The following AP3B1 variants were observed in gnomAD, a reference collection of about 807,000 sequenced individuals.
AP3B1 encodes adaptor related protein complex 3 subunit beta 1.
AP3B1 carries 61 observed loss-of-function variants against 132.5 expected under a neutral mutation model. That is an observed-to-expected ratio of 0.46 (90% CI 0.37 to 0.57). The LOEUF (loss-of-function observed/expected upper bound fraction) is 0.57, where lower values mean the gene tolerates loss of function less well. Ranked by LOEUF, AP3B1 falls within the 20% of genes least tolerant of loss-of-function variation. The pLI, the probability that AP3B1 is intolerant of heterozygous loss-of-function variation, is 0.00. For synonymous variants in AP3B1, 388 were observed against 438.3 expected (o/e 0.89, Z 1.43); for missense variants, 1,120 against 1,289.4 (o/e 0.87, Z 2.01).
chr5:78,184,212 A>G (rs1030025328), intron 7 of AP3B1, among the ~76,000 whole-genome samples: 1 of 151,936 alleles, frequency 6.6e-6, no homozygotes, highest in Non-Finnish European at 1.5e-5. Flanking sequence ...AATAGAAGAT[A>G]TAAAGACCAA....
chr5:78,239,888 CA>C (rs1473424414), intron 3 of AP3B1, among the ~76,000 whole-genome samples: 1 of 151,826 alleles, frequency 6.6e-6, no homozygotes, highest in Non-Finnish European at 1.5e-5. Flanking sequence ...AACATTAGCT[CA>C]AAAATGTTTT....
At chr5:78,277,656 TG>T (rs1358935645) in intron 1 of AP3B1, among the ~76,000 whole-genome samples, 3 of 152,020 alleles carry the variant, frequency 2.0e-5, no homozygotes, top group Non-Finnish European at 4.4e-5. Context: ...AGAAGATCTA[TG>T]AAGGGCCTCT....
intron 13 of AP3B1, among the ~76,000 whole-genome samples, chr5:78,156,837 T>C (rs1743170402): frequency 6.6e-6 from 1 of 151,784 alleles, no homozygotes; most frequent in African/African-American, 2.4e-5. Flanking sequence ...CCCAGAAAAG[T>C]GAGTAGTAAA....
At chr5:78,171,246 A>T (rs1180683727) in intron 11 of AP3B1, among the ~76,000 whole-genome samples, 1 of 152,180 alleles carries the variant, frequency 6.6e-6, no homozygotes, top group Admixed American at 6.5e-5. Flanking sequence ...TGAACTTTAA[A>T]GTAGTTTTTT....
At chr5:78,095,835 G>T (rs1409658468) in intron 21 of AP3B1, among the ~76,000 whole-genome samples, 1 of 152,106 alleles carries the variant, frequency 6.6e-6, no homozygotes, top group African/African-American at 2.4e-5. Flanking sequence ...TCTGACAAAA[G>T]CAGGACTATG....
intron 3 of AP3B1, among the ~76,000 whole-genome samples, chr5:78,239,017 T>C (rs1307258942): frequency 6.6e-6 from 1 of 151,210 alleles, no homozygotes; most frequent in Non-Finnish European, 1.5e-5. Context: ...GCAATACTAA[T>C]AACAAATCAA....
chr5:78,039,122 A>G lies in AP3B1; in HGVS notation c.2730T>C (p.Thr910=), dbSNP rs143527588. ...VSIQITLNNT[T]DRKIENIHIG... ...TGTGGATATTTTCTATCTTTCGATC[A>G]GTAGTGTTATTCAGTGTTATTTGTA... The change falls in exon 23 of 27, where the codon ACT becomes ACC. Residue 910 remains threonine, a synonymous_variant. Transcript: ENST00000255194. The G allele has an allele frequency of 4.6e-3, 7,406 of 1,613,746 alleles. 31 individuals carry two copies. Among genetic ancestry groups the G allele is most frequent in the Non-Finnish European group, 5.8e-3 (6,852 of 1,179,728 alleles).
intron 14 of AP3B1, among the ~76,000 whole-genome samples, chr5:78,142,303 T>A (rs535980100): frequency 6.6e-6 from 1 of 152,188 alleles, no homozygotes; most frequent in Non-Finnish European, 1.5e-5. Flanking sequence ...CTTATTTGCA[T>A]CCTCCCCTAT....
chr5:78,087,528 T>A lies in AP3B1; in HGVS notation c.2577+1865A>T, dbSNP rs1013895516. The stretch of plus-strand genomic sequence containing the variant: ...CATATTTTATTGTTGCTGGTGAACT[T>A]CTGGTTGTCATTCTTTTTAGCGCTA... On this transcript the variant is annotated intron_variant, in intron 22 of 26. Transcript: ENST00000255194. The A allele has an allele frequency of 1.4e-5, 14 of 985,028 alleles. No homozygotes were observed. In the African/African-American group the frequency reaches 2.4e-4, roughly 17 times the overall value. The allele number at this position is 985,028 out of a possible 1,614,324, so 61.0% of individuals were successfully genotyped here. A position where few individuals can be genotyped will look rare whatever the true frequency, so the allele number is the denominator to read the frequency against.
At chr5:78,086,748 A>G (rs1316118567) in intron 22 of AP3B1, among the ~76,000 whole-genome samples, 1 of 152,202 alleles carries the variant, frequency 6.6e-6, no homozygotes, top group African/African-American at 2.4e-5. Flanking sequence ...AGAAAATGAA[A>G]CTATTAACAT....
At chr5:78,023,385 T>A (rs1359850579) in intron 24 of AP3B1, among the ~76,000 whole-genome samples, 1 of 151,822 alleles carries the variant, frequency 6.6e-6, no homozygotes, top group African/African-American at 2.4e-5. Flanking sequence ...GAGACTATAG[T>A]GAACTATGAT....
intron 1 of AP3B1, among the ~76,000 whole-genome samples, chr5:78,293,323 C>A (rs957918190): frequency 6.6e-6 from 1 of 152,178 alleles, no homozygotes; most frequent in Non-Finnish European, 1.5e-5. Context: ...AAGCTCCGTA[C>A]TTGTTCTAGA....
chr5:78,100,266 T>A (rs1751074701), intron 21 of AP3B1, among the ~76,000 whole-genome samples: 1 of 152,056 alleles, frequency 6.6e-6, no homozygotes, highest in Non-Finnish European at 1.5e-5. Flanking sequence ...AAAAACTCTA[T>A]CAAAAATGAT....
At chr5:78,045,745 G>T (rs1273037987) in intron 22 of AP3B1, among the ~76,000 whole-genome samples, 1 of 152,124 alleles carries the variant, frequency 6.6e-6, no homozygotes, top group Non-Finnish European at 1.5e-5. Flanking sequence ...AGACAACAAT[G>T]ATTTTATTAG....
At chr5:78,145,423 C>T (rs1189719933) in intron 14 of AP3B1, among the ~76,000 whole-genome samples, 2 of 152,156 alleles carry the variant, frequency 1.3e-5, no homozygotes, top group South Asian at 2.1e-4. Context: ...AACTTGCCCA[C>T]ATCTCACAGC....
chr5:78,091,528 G>A lies in AP3B1; in HGVS notation c.2471-2029C>T, dbSNP rs146989689. On this transcript the variant is annotated intron_variant, in intron 21 of 26. Transcript: ENST00000255194. ...GGTACAGTTTAGCAAGTGTCACAGAGTCAGGGGCAAAACAAGGATCACTGG... is the reference window on the plus strand; with the variant it reads ...GGTACAGTTTAGCAAGTGTCACAGAATCAGGGGCAAAACAAGGATCACTGG... Among the ~76,000 whole-genome samples, 637 of 152,262 alleles carry A rather than the reference G, an allele frequency of 4.2e-3. 1 individual carries two copies. The highest frequency in any genetic ancestry group is 0.01 in the Middle Eastern group (3 of 294).
At chr5:78,097,544 T>C (rs1271982658) in intron 21 of AP3B1, among the ~76,000 whole-genome samples, 3 of 99,956 alleles carry the variant, frequency 3.0e-5, no homozygotes, top group Non-Finnish European at 6.0e-5. Flanking sequence ...AGCCGCCCCG[T>C]CCGGGAGGGA....
At chr5:78,293,077 C>T (rs1328803436) in intron 1 of AP3B1, among the ~76,000 whole-genome samples, 1 of 152,070 alleles carries the variant, frequency 6.6e-6, no homozygotes, top group Non-Finnish European at 1.5e-5. Context: ...CGGGGTTTCA[C>T]CATGTTGGCC....
chr5:78,074,371 G>A (rs1432379591), intron 22 of AP3B1, among the ~76,000 whole-genome samples: 2 of 152,232 alleles, frequency 1.3e-5, no homozygotes, highest in South Asian at 2.1e-4. Flanking sequence ...GGCAATGGAA[G>A]CACAAAATAC....
Sources: gnomAD v4.1 joint callset for allele counts (sites outside exome capture counted in the v4.1 genomes callset) on GRCh38, gnomAD v4.1.1 for gene constraint, MANE v1.5 for transcripts, NCBI Gene and HGNC (gene_info 2026-07-23, HGNC 2026-07-21) for gene names.